GSK3B: variants seen among roughly 807,000 people sequenced by gnomAD.
GSK3B encodes glycogen synthase kinase-3 beta.
A neutral mutation model predicts 56.4 loss-of-function variants in GSK3B; 15 were observed. The observed-to-expected ratio is 0.27, with a 90% CI of 0.18 to 0.41. The LOEUF is 0.41. GSK3B is among the 10% of genes least tolerant of loss of function. The probability of loss-of-function intolerance (pLI) is 1.00; values close to 1 mark genes in which losing one functional copy is unlikely to be tolerated. For synonymous variants in GSK3B, 181 were observed against 188.9 expected (o/e 0.96, Z 0.34); for missense variants, 300 against 513.4 (o/e 0.58, Z 4.02).
chr3:119,970,202 T>C (rs369377167), intron 2 of GSK3B, among the ~76,000 whole-genome samples: 3 of 152,322 alleles, frequency 2.0e-5, no homozygotes, highest in South Asian at 2.1e-4. Flanking sequence ...CTGCAGTTTC[T>C]GGAATTCACT....
chr3:119,908,167 A>G (rs1335187041), intron 6 of GSK3B, among the ~76,000 whole-genome samples: 2 of 152,216 alleles, frequency 1.3e-5, no homozygotes, highest in Non-Finnish European at 2.9e-5. Context: ...ATGGGAAGCC[A>G]AACCTAGGCT....
At chr3:119,861,956 G>T (rs573621142) in intron 9 of GSK3B, among the ~76,000 whole-genome samples, 136 of 152,010 alleles carry the variant, frequency 8.9e-4, no homozygotes, top group African/African-American at 3.1e-3. Flanking sequence ...ACCACACACT[G>T]TATCTATACA....
At chr3:119,873,936 G>A (rs1054531200) in intron 8 of GSK3B, among the ~76,000 whole-genome samples, 7 of 152,050 alleles carry the variant, frequency 4.6e-5, no homozygotes, top group Non-Finnish European at 1.0e-4. Context: ...GGAGAACTGA[G>A]TCATTATTCT....
rs576408117 is a variant in GSK3B at position 119,825,041 on chromosome 3, C to A, written c.*1747G>T. 19 of 191,856 alleles carry A rather than the reference C, an allele frequency of 9.9e-5. No individual in the cohort carries two copies. The South Asian group carries it at 3.7e-3, about 37-fold the overall frequency. The allele number at this position is 191,856 out of a possible 1,614,324, so 11.9% of individuals were successfully genotyped here. A position where few individuals can be genotyped will look rare whatever the true frequency, so the allele number is the denominator to read the frequency against. On this transcript the variant is annotated 3_prime_UTR_variant, in exon 11 of 11. Transcript: ENST00000264235. ...GGCAAGTTACACACAACCATGGGCT[C>A]AGCTCTGCAGCCCTACAGTTACCAG...
At chr3:119,859,398 A>G (rs1300803478) in intron 9 of GSK3B, among the ~76,000 whole-genome samples, 1 of 152,204 alleles carries the variant, frequency 6.6e-6, no homozygotes, top group Non-Finnish European at 1.5e-5. Context: ...TTATAACAGG[A>G]AAATAAGTTT....
In GSK3B at chr3:119,866,843, T is replaced by A. The variant is rs7633279; in HGVS notation, c.910-3238A>T. Among the ~76,000 whole-genome samples, 36,741 of 151,894 alleles carry A rather than the reference T, an allele frequency of 0.24. 4,889 individuals are homozygous for A. Among genetic ancestry groups the A allele is most frequent in the East Asian group, 0.49 (2,509 of 5,166 alleles). ...TTTCACCACAGTGTATGCAAAAAAA[T>A]TTTTTTTGATTGTGCAATGGTGAGG... On this transcript the variant is annotated intron_variant, in intron 8 of 10. Coordinates refer to ENST00000264235, the MANE Select transcript of GSK3B (RefSeq NM_001146156.2).
In GSK3B at chr3:119,951,359, G is replaced by C. The variant is rs532717650; in HGVS notation, c.283-4008C>G. 2.6e-5 allele frequency among the ~76,000 whole-genome samples: 4 copies of C among 152,312 alleles called. No homozygotes were observed. In the East Asian group the frequency reaches 7.7e-4, roughly 29 times the overall value. On this transcript the variant is annotated intron_variant, in intron 2 of 10. Transcript: ENST00000264235. ...GGTTCAGGCGGGCAGATCACCTGAGGACAGGAGTTCAAGACCAGCCTGACC... is the reference window on the plus strand; with the variant it reads ...GGTTCAGGCGGGCAGATCACCTGAGCACAGGAGTTCAAGACCAGCCTGACC...
intron 2 of GSK3B, among the ~76,000 whole-genome samples, chr3:119,949,468 T>C (rs1283783019): frequency 6.6e-6 from 1 of 152,160 alleles, no homozygotes; most frequent in East Asian, 1.9e-4. Flanking sequence ...AGTGGTGGGC[T>C]TGGCATATTC....
chr3:120,048,945 C>G (rs1338550461), intron 1 of GSK3B, among the ~76,000 whole-genome samples: 2 of 152,110 alleles, frequency 1.3e-5, no homozygotes, highest in Non-Finnish European at 2.9e-5. Flanking sequence ...CAATGAAAGT[C>G]AATCAAATTC....
intron 1 of GSK3B, among the ~76,000 whole-genome samples, chr3:120,068,229 A>T (rs1486761924): frequency 6.6e-6 from 1 of 151,740 alleles, no homozygotes; most frequent in Admixed American, 6.6e-5. Flanking sequence ...CATCTCTACT[A>T]AAAATACAAA....
At chr3:119,955,234 TA>T (rs543229359) in intron 2 of GSK3B, among the ~76,000 whole-genome samples, 1,548 of 126,440 alleles carry the variant, frequency 0.012, 16 homozygotes, top group African/African-American at 0.032. Flanking sequence ...AACCAACAGC[TA>T]AAAAAAAAAA....
chr3:120,016,115 G>A (rs1481227673), intron 1 of GSK3B, among the ~76,000 whole-genome samples: 1 of 152,170 alleles, frequency 6.6e-6, no homozygotes, highest in Non-Finnish European at 1.5e-5. Flanking sequence ...GAGATCTTAA[G>A]TTCAATTTAT....
rs1400886230 is a variant in GSK3B at position 119,837,322 on chromosome 3, T to A, written c.1195+5933A>T. ...GGCACCCGCTACTACGCCCGGCTAA[T>A]TTTTTTTTTTTTTTTTGTATATTTA... On this transcript the variant is annotated intron_variant, in intron 10 of 10. Transcript: ENST00000264235. Among the ~76,000 whole-genome samples the A allele has an allele frequency of 1.3e-3, 9 of 7,126 alleles. No individual in the cohort carries two copies. In the Non-Finnish European group the frequency reaches 0.013, roughly 10 times the overall value. The allele number at this position is 7,126 out of a possible 152,430, so 4.7% of individuals were successfully genotyped here.
At chr3:120,020,642 C>T (rs183978434) in intron 1 of GSK3B, among the ~76,000 whole-genome samples, 5 of 152,160 alleles carry the variant, frequency 3.3e-5, no homozygotes, top group East Asian at 3.9e-4. Context: ...CCAGACACAA[C>T]GATATTGAAA....
intron 4 of GSK3B, among the ~76,000 whole-genome samples, chr3:119,922,228 G>GGGAA (rs539984482): frequency 0.092 from 5,663 of 61,354 alleles, 393 homozygotes; most frequent in Admixed American, 0.15. Context: ...GAAGGAAGGA[G>GGGAA]GGAAGGAAGG....
chr3:119,829,722 A>G (rs566699798), intron 10 of GSK3B, among the ~76,000 whole-genome samples: 2 of 152,364 alleles, frequency 1.3e-5, no homozygotes, highest in South Asian at 4.1e-4. Context: ...GACTGCTTGC[A>G]TGATCACAGT....
intron 7 of GSK3B, among the ~76,000 whole-genome samples, chr3:119,900,896 T>C (rs968697435): frequency 1.3e-5 from 2 of 152,160 alleles, no homozygotes; most frequent in African/African-American, 4.8e-5. Context: ...TTTCATGATG[T>C]GCTAGAACAG....
rs2057677497 is a variant in GSK3B at position 120,001,576 on chromosome 3, ATAAAT to A, written c.282+465_282+469del. ...TGAGCCAATTAAACCTCTTTTCTTT[ATAAAT>A]TACTCAATATCAGGTATTCCTTTAT... On this transcript the variant is annotated intron_variant, in intron 2 of 10. Transcript: ENST00000264235. Among the ~76,000 whole-genome samples the A allele has an allele frequency of 2.0e-5, 3 of 152,174 alleles. No individual in the cohort carries two copies. The South Asian group carries it at 6.2e-4, about 32-fold the overall frequency.
At chr3:120,001,478 G>A (rs1008676712) in intron 2 of GSK3B, among the ~76,000 whole-genome samples, 1 of 152,164 alleles carries the variant, frequency 6.6e-6, no homozygotes, top group East Asian at 1.9e-4. Context: ...TTCTGCCCAT[G>A]ATTAGAAGTT....
Sources: gnomAD v4.1 joint callset for allele counts (sites outside exome capture counted in the v4.1 genomes callset) on GRCh38, gnomAD v4.1.1 for gene constraint, MANE v1.5 for transcripts, NCBI Gene and HGNC (gene_info 2026-07-23, HGNC 2026-07-21) for gene names.